Variants in SV2C observed in about 807,000 individuals in gnomAD.
The protein encoded by SV2C is synaptic vesicle glycoprotein 2C, also known as solute carrier family 22 member B3.
In SV2C, 49 loss-of-function variants were observed where a neutral mutation model predicts 79.7. That is an observed-to-expected ratio of 0.61 (90% CI 0.49 to 0.78). The LOEUF (loss-of-function observed/expected upper bound fraction) is 0.78. SV2C is among the 30% of genes least tolerant of loss of function. SV2C has a pLI of 0.00. For missense variants in SV2C, 833 were observed against 912.9 expected (o/e 0.91, Z 1.13); for synonymous variants, 334 against 333.2 (o/e 1.00, Z -0.03).
chr5:76,172,572 CAGGATG>C (rs1743342646), intron 2 of SV2C, among the ~76,000 whole-genome samples: 1 of 58,368 alleles, frequency 1.7e-5, no homozygotes, highest in Non-Finnish European at 3.0e-5. Flanking sequence ...GAGAACGGGC[CAGGATG>C]ACAATGGCGG....
chr5:75,931,038 G>T, the SV2C span, among the ~76,000 whole-genome samples: 1 of 152,136 alleles, frequency 6.6e-6, no homozygotes, highest in Non-Finnish European at 1.5e-5. Flanking sequence ...GGAAACTGAG[G>T]CACAAGAATT....
chr5:75,914,277 T>G, the SV2C span, among the ~76,000 whole-genome samples: 6 of 152,252 alleles, frequency 3.9e-5, no homozygotes, highest in African/African-American at 1.2e-4. Flanking sequence ...CCAAATTTAT[T>G]TTTCCTTCCA....
At chr5:76,283,031 A>C (rs1364634088) in intron 4 of SV2C, among the ~76,000 whole-genome samples, 5 of 151,428 alleles carry the variant, frequency 3.3e-5, no homozygotes, top group African/African-American at 1.2e-4. Context: ...AAACAAAAAC[A>C]AGTCTGGGCG....
At chr5:75,959,664 T>C in the SV2C span, among the ~76,000 whole-genome samples, 1 of 151,980 alleles carries the variant, frequency 6.6e-6, no homozygotes, top group South Asian at 2.1e-4. Context: ...ATATCAATTA[T>C]TAAATCCACA....
chr5:75,917,494 A>G, the SV2C span, among the ~76,000 whole-genome samples: 2 of 152,240 alleles, frequency 1.3e-5, no homozygotes, highest in Non-Finnish European at 2.9e-5. Flanking sequence ...ATAATAATCT[A>G]TGTAAATCTC....
At chr5:76,068,886 G>C in the SV2C span, among the ~76,000 whole-genome samples, 1 of 152,076 alleles carries the variant, frequency 6.6e-6, no homozygotes, top group South Asian at 2.1e-4. Flanking sequence ...CATCCCCACA[G>C]TAGTAAAATG....
intron 3 of SV2C, among the ~76,000 whole-genome samples, chr5:76,197,481 T>C (rs73113761): frequency 0.022 from 3,328 of 152,114 alleles, 100 homozygotes; most frequent in African/African-American, 0.075. Flanking sequence ...ATCTCTATAA[T>C]AAATGGTGAG....
At position 76,191,381 on chromosome 5, in the gene SV2C, A is replaced by G. The variant is rs187065555; in HGVS notation, c.581-3538A>G. ...TACAGAATGTTTTTCATTGAAAATC[A>G]GTTTATAAATAAATGGTGCAAGGAA... On this transcript the variant is annotated intron_variant, in intron 2 of 12. Coordinates refer to ENST00000502798, the MANE Select transcript of SV2C (RefSeq NM_014979.4). 4.6e-5 allele frequency among the ~76,000 whole-genome samples: 7 copies of G among 152,342 alleles called. No homozygotes were observed. In the East Asian group the frequency reaches 1.3e-3, roughly 29 times the overall value.
chr5:75,950,649 G>A, the SV2C span, among the ~76,000 whole-genome samples: 3 of 151,860 alleles, frequency 2.0e-5, no homozygotes, highest in Non-Finnish European at 4.4e-5. Flanking sequence ...CCTTTTGGGT[G>A]GATTTTAGTT....
chr5:76,300,695 G>T (rs763796611), intron 10 of SV2C, 34 bp from the exon 11 acceptor site: 5 of 1,602,806 alleles, frequency 3.1e-6, no homozygotes, highest in Non-Finnish European at 4.3e-6. Context: ...CCTGGTAAGA[G>T]CTTGATGAAT....
chr5:76,085,826 T>C (rs918633675), intron 1 of SV2C, among the ~76,000 whole-genome samples: 3 of 141,968 alleles, frequency 2.1e-5, no homozygotes, highest in East Asian at 2.1e-4. Flanking sequence ...ACAAAGCCCC[T>C]ACACACACAC....
In SV2C at chr5:76,238,369, G is replaced by C. The variant is rs539496549; in HGVS notation, c.913+28482G>C. On this transcript the variant is annotated intron_variant, in intron 4 of 12. Coordinates refer to ENST00000502798, the MANE Select transcript of SV2C (RefSeq NM_014979.4). ...TTAATCCAACCTTTCATTGTTTCATGGCTGTATCATGTTCTCCTACATCTC... is the reference window on the plus strand; with the variant it reads ...TTAATCCAACCTTTCATTGTTTCATCGCTGTATCATGTTCTCCTACATCTC... Among the ~76,000 whole-genome samples, 7 of 151,914 alleles carry C rather than the reference G, an allele frequency of 4.6e-5. No homozygotes were observed. In the East Asian group the frequency reaches 1.4e-3, roughly 29 times the overall value.
the SV2C span, among the ~76,000 whole-genome samples, chr5:75,871,619 C>A: frequency 1.3e-5 from 2 of 151,822 alleles, no homozygotes; most frequent in African/African-American, 4.8e-5. Context: ...ACCATCCTGG[C>A]CAACATGGTG....
chr5:76,324,875 T>C (rs1580074540), intron 12 of SV2C, among the ~76,000 whole-genome samples: 1 of 151,774 alleles, frequency 6.6e-6, no homozygotes, highest in South Asian at 2.1e-4. Context: ...AAATAAAAAT[T>C]AGCTGTGTAT....
intron 4 of SV2C, among the ~76,000 whole-genome samples, 167 bp from the exon 5 acceptor site, chr5:76,284,994 TG>T: frequency 6.6e-6 from 1 of 152,346 alleles, no homozygotes; most frequent in Non-Finnish European, 1.5e-5. Flanking sequence ...TCTGCCATTA[TG>T]GGTCTTAAAG....
chr5:76,275,360 G>C (rs527910933), intron 4 of SV2C, among the ~76,000 whole-genome samples: 1 of 151,996 alleles, frequency 6.6e-6, no homozygotes, highest in Non-Finnish European at 1.5e-5. Flanking sequence ...GGTGGCGGGC[G>C]CCTGTAGTCC....
At chr5:76,351,180 C>A (rs947512098) in intron 12 of SV2C, among the ~76,000 whole-genome samples, 6 of 152,212 alleles carry the variant, frequency 3.9e-5, no homozygotes, top group Non-Finnish European at 7.4e-5. Context: ...GGTGAGATAG[C>A]TGAACCTGTA....
chr5:76,277,261 G>T (rs1295527872), intron 4 of SV2C, among the ~76,000 whole-genome samples: 1 of 152,130 alleles, frequency 6.6e-6, no homozygotes, highest in Admixed American at 6.6e-5. Context: ...ATTTACCCAA[G>T]GAAATTTTGG....
rs558003487 is a variant in SV2C, at chr5:76,179,929, A to T, written c.581-14990A>T. Among the ~76,000 whole-genome samples the T allele has an allele frequency of 1.2e-4, 15 of 129,848 alleles. No individual in the cohort carries two copies. The East Asian group carries it at 3.6e-3, about 31-fold the overall frequency. The allele number at this position is 129,848 out of a possible 152,430, so 85.2% of individuals were successfully genotyped here. A position where few individuals can be genotyped will look rare whatever the true frequency, so the allele number is the denominator to read the frequency against. On this transcript the variant is annotated intron_variant, in intron 2 of 12. Transcript: ENST00000502798. ...GGTTGTTTTGATATCTGCCATCTGA[A>T]CTTTAAAAACAACAACAGAAAAAAA...
Sources: gnomAD v4.1 joint callset for allele counts (sites outside exome capture counted in the v4.1 genomes callset) on GRCh38, gnomAD v4.1.1 for gene constraint, MANE v1.5 for transcripts, NCBI Gene and HGNC (gene_info 2026-07-23, HGNC 2026-07-21) for gene names.